The following DIAPH3 variants were observed in gnomAD, a reference collection of about 807,000 sequenced individuals.
The protein encoded by DIAPH3 is protein diaphanous homolog 3.
DIAPH3 carries 117 observed loss-of-function variants against 144.3 expected under a neutral mutation model. That is an observed-to-expected ratio of 0.81 (90% CI 0.70 to 0.95). The LOEUF is 0.95. Ranked by LOEUF, DIAPH3 falls within the 40% of genes least tolerant of loss-of-function variation. The pLI is 0.00. For synonymous variants in DIAPH3, 519 were observed against 488.9 expected, an observed-to-expected ratio of 1.06 and a Z score of -0.81; for missense variants, 1,421 against 1,412.7, an observed-to-expected ratio of 1.01 and a Z score of -0.09.
In DIAPH3 at chr13:59,666,697, C is replaced by G. The variant is rs1032371095; in HGVS notation, c.3469G>C (p.Ala1157Pro). ...GRIKAAEKKE[A>P]CNVESNRKKE... is the part of the protein sequence containing the mutation. ...TTTCTGTTGCTTTCTACATTACACG[C>G]TTCCTTCTTCTCAGCTGCCTTGATC... Residue 1157 changes from alanine (A) to proline (P), a missense_variant, in exon 28 of 28, where the codon GCG becomes CCG. Coordinates refer to ENST00000400324, the MANE Select transcript of DIAPH3 (RefSeq NM_001042517.2). 1 of 1,614,040 alleles carries G rather than the reference C, an allele frequency of 6.2e-7. No individual in the cohort carries two copies. The highest frequency in any genetic ancestry group is 1.7e-5 in the Admixed American group (1 of 60,018).
intron 17 of DIAPH3, among the ~76,000 whole-genome samples, chr13:59,956,555 C>T (rs2049415617): frequency 1.3e-5 from 2 of 152,270 alleles, no homozygotes; most frequent in African/African-American, 4.8e-5. Flanking sequence ...CAGAGGCATG[C>T]TGCAGGGGCA....
chr13:59,762,027 G>C (rs1452744595), intron 27 of DIAPH3, among the ~76,000 whole-genome samples: 1 of 142,708 alleles, frequency 7.0e-6, no homozygotes, highest in East Asian at 2.2e-4. Flanking sequence ...AGAGAACAGA[G>C]CACCCAAGAT....
At chr13:60,060,420 T>C (rs1336649639) in intron 4 of DIAPH3, among the ~76,000 whole-genome samples, 1 of 152,094 alleles carries the variant, frequency 6.6e-6, no homozygotes, top group Non-Finnish European at 1.5e-5. Flanking sequence ...CCTGCATTGT[T>C]GTCACAATAA....
intron 24 of DIAPH3, among the ~76,000 whole-genome samples, chr13:59,815,757 A>G (rs2040736462): frequency 6.6e-6 from 1 of 152,060 alleles, no homozygotes; most frequent in African/African-American, 2.4e-5. Flanking sequence ...CACCCAGCCT[A>G]AAAAATGTAA....
chr13:59,721,393 C>T (rs1018108810), intron 27 of DIAPH3, among the ~76,000 whole-genome samples: 2 of 151,994 alleles, frequency 1.3e-5, no homozygotes, highest in South Asian at 4.1e-4. Context: ...GATTTTATTG[C>T]ATTTATTGCA....
chr13:60,009,871 C>A (rs1407721482), intron 8 of DIAPH3, among the ~76,000 whole-genome samples: 1 of 152,156 alleles, frequency 6.6e-6, no homozygotes, highest in Admixed American at 6.5e-5. Context: ...TTAGTTTTTA[C>A]ATTTTTATCT....
chr13:60,158,053 C>T (rs1952113080), intron 1 of DIAPH3, among the ~76,000 whole-genome samples: 1 of 152,224 alleles, frequency 6.6e-6, no homozygotes, highest in Non-Finnish European at 1.5e-5. Context: ...AACCACCCCA[C>T]ATGACCCTGA....
At chr13:60,043,777 C>T (rs1463718078) in intron 4 of DIAPH3, among the ~76,000 whole-genome samples, 1 of 152,090 alleles carries the variant, frequency 6.6e-6, no homozygotes, top group East Asian at 1.9e-4. Context: ...TGTAGCTTTA[C>T]TACATATGGG....
intron 25 of DIAPH3, among the ~76,000 whole-genome samples, chr13:59,782,649 G>C (rs1451691055): frequency 6.6e-6 from 1 of 152,200 alleles, no homozygotes; most frequent in Non-Finnish European, 1.5e-5. Flanking sequence ...TTACCTCTGA[G>C]AAGGGGAGGA....
chr13:59,762,051 T>C (rs989876231), intron 27 of DIAPH3, among the ~76,000 whole-genome samples: 21 of 113,882 alleles, frequency 1.8e-4, no homozygotes, highest in East Asian at 2.6e-4. Context: ...AGCGTCAGCA[T>C]CTTTTTTTTT....
intron 1 of DIAPH3, among the ~76,000 whole-genome samples, chr13:60,153,966 T>C (rs1038361914): frequency 2.6e-5 from 4 of 152,074 alleles, no homozygotes; most frequent in African/African-American, 4.8e-5. Context: ...AACAGGCCCC[T>C]AAGAAAGCTT....
At chr13:59,682,432 C>T (rs560448150) in intron 27 of DIAPH3, among the ~76,000 whole-genome samples, 1 of 152,240 alleles carries the variant, frequency 6.6e-6, no homozygotes, top group African/African-American at 2.4e-5. Flanking sequence ...AGTGATCCTC[C>T]CCCTTCACCC....
At chr13:59,924,969 G>A in intron 17 of DIAPH3, 99 bp from the exon 18 acceptor site, 1 of 1,481,572 alleles carries the variant, frequency 6.7e-7, no homozygotes, top group Non-Finnish European at 9.0e-7. Flanking sequence ...TAAAAAGGAT[G>A]TAACTCTTCT....
intron 5 of DIAPH3, among the ~76,000 whole-genome samples, chr13:60,039,691 C>T (rs1008613629): frequency 2.0e-5 from 3 of 152,088 alleles, no homozygotes; most frequent in African/African-American, 7.2e-5. Flanking sequence ...TTGTTCTATT[C>T]AGACATTTTA....
chr13:60,087,453 G>A (rs976055399), intron 4 of DIAPH3, among the ~76,000 whole-genome samples: 1 of 152,008 alleles, frequency 6.6e-6, no homozygotes, highest in African/African-American at 2.4e-5. Flanking sequence ...ATACACACAA[G>A]AAACTATAAT....
chr13:59,674,076 G>A (rs1845810427), intron 27 of DIAPH3, among the ~76,000 whole-genome samples: 1 of 152,202 alleles, frequency 6.6e-6, no homozygotes, highest in African/African-American at 2.4e-5. Flanking sequence ...GTACTGAAGT[G>A]AAGGCAATCT....
intron 27 of DIAPH3, among the ~76,000 whole-genome samples, chr13:59,670,433 G>A (rs947690478): frequency 6.6e-6 from 1 of 152,050 alleles, no homozygotes; most frequent in Non-Finnish European, 1.5e-5. Flanking sequence ...TTTTTGGTTT[G>A]TCTCCAGACA....
chr13:59,785,792 G>A (rs550137516), intron 25 of DIAPH3, among the ~76,000 whole-genome samples: 1 of 152,022 alleles, frequency 6.6e-6, no homozygotes, highest in Non-Finnish European at 1.5e-5. Flanking sequence ...TGTCTAATAA[G>A]GCATATATGT....
At chr13:60,053,878 A>G (rs2056456144) in intron 4 of DIAPH3, among the ~76,000 whole-genome samples, 1 of 152,144 alleles carries the variant, frequency 6.6e-6, no homozygotes, top group African/African-American at 2.4e-5. Flanking sequence ...TGATATATCT[A>G]CACACTCTGA....
Sources: gnomAD v4.1 joint callset for allele counts (sites outside exome capture counted in the v4.1 genomes callset) on GRCh38, gnomAD v4.1.1 for gene constraint, MANE v1.5 for transcripts, NCBI Gene and HGNC (gene_info 2026-07-23, HGNC 2026-07-21) for gene names.